H6PD: variants seen among roughly 807,000 people sequenced by gnomAD.
The protein encoded by H6PD is GDH/6PGL endoplasmic bifunctional protein.
Under a neutral mutation model 61.2 loss-of-function variants are expected in H6PD, and 48 were observed. That is an observed-to-expected ratio of 0.78 (90% CI 0.62 to 1.00). H6PD has a LOEUF of 1.00. H6PD is among the 50% of genes least tolerant of loss of function. The pLI, the probability that H6PD is intolerant of heterozygous loss-of-function variation, is 0.00. For synonymous variants in H6PD, 480 were observed against 457.9 expected, an observed-to-expected ratio of 1.05 and a Z score of -0.62; for missense variants, 1,093 against 1,065.0, an observed-to-expected ratio of 1.03 and a Z score of -0.37.
chr1:9,244,917 CACCCCAG>C lies in H6PD; in HGVS notation c.-10-7_-10-1del. 1 of 1,609,522 alleles carries C rather than the reference CACCCCAG, an allele frequency of 6.2e-7. No individual in the cohort carries two copies. The highest frequency in any genetic ancestry group is 8.5e-7 in the Non-Finnish European group (1 of 1,177,422). On this transcript the variant is annotated splice_acceptor_variant and splice_polypyrimidine_tract_variant and intron_variant, in intron 1 of 4. Transcript: ENST00000377403. LOFTEE classifies it low-confidence loss of function (5UTR_SPLICE). ...CTTGTTCCTCGTCTGTCTCTCTTTG[CACCCCAG>C]GCACCCAGGCATGTGGAATATGCTC... is the stretch of plus-strand genomic sequence containing the variant.
chr1:9,247,416 C>T (rs957273227), intron 3 of H6PD, among the ~76,000 whole-genome samples: 3 of 152,176 alleles, frequency 2.0e-5, no homozygotes, highest in African/African-American at 4.8e-5. Flanking sequence ...AGGGCTTCCC[C>T]GACTGTGGTG....
chr1:9,264,174 G>C lies in H6PD; in HGVS notation c.1681G>C (p.Glu561Gln). The C allele has an allele frequency of 6.2e-7, 1 of 1,612,254 alleles. No individual in the cohort carries two copies. The highest frequency in any genetic ancestry group is 8.5e-7 in the Non-Finnish European group (1 of 1,179,010). ...RESPLVSAWS[E>Q]ELISKLANDI... ...GAGCCCGCTGGTCTCCGCCTGGTCC[G>C]AGGAGCTGATCTCTAAGCTGGCTAA... is the stretch of plus-strand genomic sequence containing the variant. The change falls in exon 5 of 5, where the codon GAG becomes CAG. Residue 561 changes from glutamate to glutamine, a missense_variant. Transcript: ENST00000377403.
In H6PD at chr1:9,264,143, C is replaced by T. The variant is rs776784326; in HGVS notation, c.1650C>T (p.Tyr550=). The change falls in exon 5 of 5, where the codon TAC becomes TAT. Residue 550 remains tyrosine, a synonymous_variant. Coordinates refer to ENST00000377403, the MANE Select transcript of H6PD (RefSeq NM_004285.4). ...ACTTCCAGGTCCTCAGGGCCAAGTA[C>T]CGAGAGAGCCCGCTGGTCTCCGCCT... The part of the protein sequence containing the change: ...PSDFQVLRAK[Y]RESPLVSAWS... 4.3e-6 allele frequency: 7 copies of T among 1,613,542 alleles called. No individual in the cohort carries two copies. The Admixed American group carries it at 8.3e-5, about 19-fold the overall frequency.
intron 4 of H6PD, 23 bp downstream of exon 4, chr1:9,262,351 G>T: frequency 1.3e-6 from 2 of 1,586,372 alleles, no homozygotes; most frequent in East Asian, 2.3e-5. Flanking sequence ...GCTGGGCATG[G>T]GGCACTGGGC....
At chr1:9,238,046 A>G (rs1385427493) in intron 1 of H6PD, among the ~76,000 whole-genome samples, 2 of 152,224 alleles carry the variant, frequency 1.3e-5, no homozygotes, top group African/African-American at 2.4e-5. Flanking sequence ...GTGGGGAGAA[A>G]TAAAGCAGGA....
chr1:9,265,388 C>T lies in H6PD; in HGVS notation c.*519C>T, dbSNP rs1433954844. On this transcript the variant is annotated 3_prime_UTR_variant, in exon 5 of 5. Transcript: ENST00000377403. Reference sequence around the variant, plus strand: ...GGGGCATTGGGGACTGTCTTGAGACCCTGAGGGGGTCAAGCCCCTCCTTCC... The same window carrying T: ...GGGGCATTGGGGACTGTCTTGAGACTCTGAGGGGGTCAAGCCCCTCCTTCC... The T allele has an allele frequency of 2.5e-5, 5 of 203,476 alleles. No individual in the cohort carries two copies. The highest frequency in any genetic ancestry group is 5.0e-5 in the Non-Finnish European group (5 of 99,042). The allele number at this position is 203,476 out of a possible 1,614,324, so 12.6% of individuals were successfully genotyped here. A position where few individuals can be genotyped will look rare whatever the true frequency, so the allele number is the denominator to read the frequency against.
At position 9,270,206 on chromosome 1, in the gene H6PD, C is replaced by T. The variant is rs1257043413; in HGVS notation, c.*5337C>T. The T allele has an allele frequency of 6.6e-6, 1 of 152,654 alleles. No homozygotes were observed. The highest frequency in any genetic ancestry group is 1.5e-5 in the Non-Finnish European group (1 of 68,060). The allele number at this position is 152,654 out of a possible 1,614,324, so 9.5% of individuals were successfully genotyped here. On this transcript the variant is annotated 3_prime_UTR_variant, in exon 5 of 5. Transcript: ENST00000377403. ...TCAAGGCTGATCTTTAAAACCCTCG[C>T]CTTGCTGACAGGTGCTTTAAAGGCA...
intron 1 of H6PD, chr1:9,240,125 A>G (rs1640954624): frequency 5.3e-6 from 3 of 568,268 alleles, no homozygotes; most frequent in Non-Finnish European, 7.9e-6. Context: ...CCCTGGCTCT[A>G]AGATGAGCCA....
rs1444965611 is a variant in H6PD, at chr1:9,256,929, AAG to A, written c.746-5127_746-5126del. Among the ~76,000 whole-genome samples, 12 of 152,232 alleles carry A rather than the reference AAG, an allele frequency of 7.9e-5. 1 individual carries two copies. The highest frequency in any genetic ancestry group is 2.9e-4 in the African/African-American group (12 of 41,554). ...AACAACCTGTTGTTTAATTTTGAAC[AAG>A]AGTCATCCTGTATGTGTCCGAGCAT... On this transcript the variant is annotated intron_variant, in intron 3 of 4. Transcript: ENST00000377403.
chr1:9,240,009 C>T (rs71641085), intron 1 of H6PD: 1 of 1,231,202 alleles, frequency 8.1e-7, no homozygotes, highest in African/African-American at 1.6e-5. Flanking sequence ...TTAGCAGAGC[C>T]TTTTAACTGG....
intron 1 of H6PD, chr1:9,243,074 G>A (rs1338375771): frequency 1.7e-6 from 1 of 576,232 alleles, no homozygotes; most frequent in Non-Finnish European, 2.2e-6. Context: ...TCCAGTGATG[G>A]ACGCGTCGTG....
At chr1:9,235,233 G>A (rs1256872457) in intron 1 of H6PD, among the ~76,000 whole-genome samples, 167 bp downstream of exon 1, 3 of 152,040 alleles carry the variant, frequency 2.0e-5, no homozygotes, top group African/African-American at 7.2e-5. Context: ...GCTCCCTCCA[G>A]GGTCGCCCCG....
intron 3 of H6PD, among the ~76,000 whole-genome samples, chr1:9,255,840 C>A (rs1641500409): frequency 6.6e-6 from 1 of 152,162 alleles, no homozygotes; most frequent in African/African-American, 2.4e-5. Flanking sequence ...GCCCTAGACC[C>A]CTCCTTCCAG....
At chr1:9,255,279 A>ATTTAT (rs1641480645) in intron 3 of H6PD, among the ~76,000 whole-genome samples, 1 of 151,536 alleles carries the variant, frequency 6.6e-6, no homozygotes, top group African/African-American at 2.4e-5. Flanking sequence ...TTATTTATTT[A>ATTTAT]TTTTTTATTT....
chr1:9,243,824 A>G (rs1227466325), intron 1 of H6PD, among the ~76,000 whole-genome samples: 1 of 143,404 alleles, frequency 7.0e-6, no homozygotes, highest in South Asian at 2.3e-4. Context: ...GTCACTCACT[A>G]GGACCCTCTT....
rs1638700819 is a variant in H6PD at position 9,270,099 on chromosome 1, G to A, written c.*5230G>A. 1 of 152,624 alleles carries A rather than the reference G, an allele frequency of 6.6e-6. No homozygotes were observed. Among genetic ancestry groups the A allele is most frequent in the Admixed American group, 6.5e-5 (1 of 15,276 alleles). 9.5% of individuals were successfully genotyped at this position (152,624 alleles called of 1,614,324 possible). On this transcript the variant is annotated 3_prime_UTR_variant, in exon 5 of 5. Transcript: ENST00000377403. ...GGAGCGCTTCTGTTTGCAAAGCGCTGGGGATGTGCCTGTCTCTGTGTGACC... is the reference window on the plus strand; with the variant it reads ...GGAGCGCTTCTGTTTGCAAAGCGCTAGGGATGTGCCTGTCTCTGTGTGACC...
rs1367352640 is a variant in H6PD, at chr1:9,262,287, A to G, written c.974A>G (p.Gln325Arg). ...AGTGAGCAGGTGCGCAGAGAGCTGC[A>G]GAAGCCAGACAGCTTCCACAGCCTG... ...SYSEQVRREL[Q>R]KPDSFHSLTP... Residue 325 changes from glutamine to arginine, a missense_variant, in exon 4 of 5, where the codon CAG becomes CGG. Coordinates refer to ENST00000377403, the MANE Select transcript of H6PD (RefSeq NM_004285.4). 5 of 1,608,994 alleles carry G rather than the reference A, an allele frequency of 3.1e-6. No homozygotes were observed. In the Admixed American group the frequency reaches 5.1e-5, roughly 16 times the overall value.
intron 3 of H6PD, among the ~76,000 whole-genome samples, chr1:9,253,117 C>T (rs895713839): frequency 1.3e-5 from 2 of 152,200 alleles, no homozygotes; most frequent in Non-Finnish European, 1.5e-5. Context: ...ATGGCCTCTT[C>T]CCAGGGAGGT....
At position 9,234,843 on chromosome 1, in the gene H6PD, C is replaced by G. The variant is rs1448775449; in HGVS notation, c.-234C>G. ...TGGGGCGGGGTGGCGGCCGGGCTGG[C>G]CTTGGCCTCGCGCCTTCCCCTGCGG... On this transcript the variant is annotated 5_prime_UTR_variant, in exon 1 of 5. Transcript: ENST00000377403. 1 of 147,544 alleles carries G rather than the reference C, an allele frequency of 6.8e-6. No individual in the cohort carries two copies. Among genetic ancestry groups the G allele is most frequent in the Non-Finnish European group, 1.5e-5 (1 of 66,368 alleles). The allele number at this position is 147,544 out of a possible 1,614,324, so 9.1% of individuals were successfully genotyped here.
Sources: allele counts gnomAD v4.1 joint callset (sites outside exome capture counted in the v4.1 genomes callset), GRCh38; gene constraint gnomAD v4.1.1; transcripts MANE v1.5; gene names NCBI Gene and HGNC (gene_info 2026-07-23, HGNC 2026-07-21).